SIPA1L3: variants seen among roughly 807,000 people sequenced by gnomAD.
SIPA1L3 encodes signal-induced proliferation-associated 1-like protein 3.
SIPA1L3 carries 59 observed loss-of-function variants against 150.1 expected under a neutral mutation model. The ratio of observed to expected loss-of-function variants is 0.39; its 90% CI spans 0.32 to 0.49. The LOEUF is 0.49. Ranked by LOEUF, SIPA1L3 falls within the 20% of genes least tolerant of loss-of-function variation. The probability of loss-of-function intolerance (pLI) is 0.86; values close to 1 mark genes in which losing one functional copy is unlikely to be tolerated. For missense variants in SIPA1L3, 2,211 were observed against 2,489.5 expected, an observed-to-expected ratio of 0.89 and a Z score of 2.38; for synonymous variants, 1,070 against 1,077.6, an observed-to-expected ratio of 0.99 and a Z score of 0.14.
chr19:38,203,332 C>G (rs573600240), intron 20 of SIPA1L3, among the ~76,000 whole-genome samples: 26 of 152,188 alleles, frequency 1.7e-4, no homozygotes, highest in Non-Finnish European at 1.3e-4. Flanking sequence ...CAAGACTCAG[C>G]AGCAAGGTTG....
At chr19:38,161,678 G>A (rs1393842937) in intron 13 of SIPA1L3, among the ~76,000 whole-genome samples, 2 of 152,066 alleles carry the variant, frequency 1.3e-5, no homozygotes, top group African/African-American at 2.4e-5. Flanking sequence ...AGTGAGCTGA[G>A]ATCATACCAC....
At position 38,182,665 on chromosome 19, in the gene SIPA1L3, G is replaced by T; in HGVS notation, c.4355G>T (p.Arg1452Leu). 6.2e-7 allele frequency: 1 copy of T among 1,614,128 alleles called. No individual in the cohort carries two copies. Among genetic ancestry groups the T allele is most frequent in the Non-Finnish European group, 8.5e-7 (1 of 1,179,996 alleles). Residue 1452 changes from arginine to leucine, a missense_variant, in exon 16 of 22, where the codon CGC (arginine) becomes CTC (leucine). Transcript: ENST00000222345. The stretch of plus-strand genomic sequence containing the variant: ...TCCTTCTTCTCCAAGCAGCCTGTAC[G>T]CAATAAGCACCCAACAGGGTGGAAG... ...PKSFFSKQPV[R>L]NKHPTGWKRT...
chr19:38,119,522 C>G lies in SIPA1L3; in HGVS notation c.2508C>G (p.Thr836=). 1 of 1,614,148 alleles carries G rather than the reference C, an allele frequency of 6.2e-7. No homozygotes were observed. The highest frequency in any genetic ancestry group is 1.1e-5 in the South Asian group (1 of 91,078). The change falls in exon 9 of 22, where the codon ACC becomes ACG. Residue 836 remains threonine, a synonymous_variant. Coordinates refer to ENST00000222345, the MANE Select transcript of SIPA1L3 (RefSeq NM_015073.3). Reference sequence around the variant, plus strand: ...TGGCCGAAAACTGTGTCTCCAACACCCCCATCGACTCCACCGGCAAATTCA... The same window carrying G: ...TGGCCGAAAACTGTGTCTCCAACACGCCCATCGACTCCACCGGCAAATTCA... ...KDLAENCVSN[T]PIDSTGKFNL...
chr19:38,101,495 A>G (rs1600071093), intron 6 of SIPA1L3, among the ~76,000 whole-genome samples: 2 of 151,700 alleles, frequency 1.3e-5, no homozygotes, highest in Admixed American at 6.6e-5. Context: ...TGCAACCTCT[A>G]CCTCCCAGGT....
At chr19:38,017,090 TTTCAC>T (rs1180223273) in intron 1 of SIPA1L3, among the ~76,000 whole-genome samples, 4 of 151,288 alleles carry the variant, frequency 2.6e-5, no homozygotes, top group Non-Finnish European at 5.9e-5. Context: ...AGAGACGGGG[TTTCAC>T]CATGTTGGCC....
At chr19:37,947,765 A>G (rs1190900338) in intron 1 of SIPA1L3, among the ~76,000 whole-genome samples, 1 of 152,194 alleles carries the variant, frequency 6.6e-6, no homozygotes. Context: ...GGCTGGAAAT[A>G]TTGCAGATTT....
At chr19:38,156,184 C>T (rs1003575478) in intron 13 of SIPA1L3, among the ~76,000 whole-genome samples, 2 of 152,144 alleles carry the variant, frequency 1.3e-5, no homozygotes, top group African/African-American at 4.8e-5. Context: ...GTGGTTTGCT[C>T]CTGTCCTCAG....
rs774093306 is a variant in SIPA1L3, at chr19:38,081,593, G to A, written c.28G>A (p.Asp10Asn). The change falls in exon 3 of 22, where the codon GAT becomes AAT. Residue 10 changes from aspartate to asparagine, a missense_variant. Asp to Asn is a conservative substitution (Grantham distance 23). This residue lies in a region of SIPA1L3 where 130 missense variants were observed against 174.5 expected (regional missense o/e 0.74). Transcript: ENST00000222345. MTTYRAIPS[D>N]GVDLAASCGA... ...GACCACCTATCGGGCCATCCCCAGC[G>A]ATGGTGTGGACCTGGCAGCCAGCTG... 1.9e-6 allele frequency: 3 copies of A among 1,595,430 alleles called. No homozygotes were observed. The highest frequency in any genetic ancestry group is 1.1e-5 in the South Asian group (1 of 90,142).
chr19:38,197,215 GC>G (rs1293790824), intron 18 of SIPA1L3, among the ~76,000 whole-genome samples: 2 of 152,072 alleles, frequency 1.3e-5, no homozygotes, highest in African/African-American at 2.4e-5. Context: ...AGCGGGCTGG[GC>G]CCACGGTCAG....
At chr19:38,199,675 C>T (rs1040991811) in intron 19 of SIPA1L3, among the ~76,000 whole-genome samples, 2 of 152,052 alleles carry the variant, frequency 1.3e-5, no homozygotes, top group Admixed American at 6.6e-5. Context: ...GGTGCCTCCC[C>T]GGGAGCCGGA....
chr19:38,163,046 C>T (rs1339947900), intron 14 of SIPA1L3, among the ~76,000 whole-genome samples: 2 of 152,108 alleles, frequency 1.3e-5, no homozygotes, highest in Non-Finnish European at 2.9e-5. Flanking sequence ...CTCTTTGTAT[C>T]CATTCGTTCA....
At chr19:38,078,438 G>GCACGCA (rs112384687) in intron 2 of SIPA1L3, among the ~76,000 whole-genome samples, 3 of 138,898 alleles carry the variant, frequency 2.2e-5, no homozygotes, top group Admixed American at 7.3e-5. Flanking sequence ...GCGCATACAT[G>GCACGCA]CACACACACA....
intron 15 of SIPA1L3, among the ~76,000 whole-genome samples, chr19:38,165,762 G>GT (rs1361785787): frequency 1.3e-5 from 2 of 152,028 alleles, no homozygotes; most frequent in Non-Finnish European, 2.9e-5. Flanking sequence ...GTGCATTGGT[G>GT]TTTTTTTGTT....
At chr19:37,911,205 G>T (rs1599783935) in intron 1 of SIPA1L3, among the ~76,000 whole-genome samples, 1 of 151,654 alleles carries the variant, frequency 6.6e-6, no homozygotes, top group Non-Finnish European at 1.5e-5. Context: ...AGATGCTTCA[G>T]TTATCTTTTT....
intron 12 of SIPA1L3, among the ~76,000 whole-genome samples, chr19:38,148,374 A>G (rs1034513555): frequency 6.7e-6 from 1 of 149,046 alleles, no homozygotes; most frequent in Non-Finnish European, 1.5e-5. Flanking sequence ...AAGTTGGGGG[A>G]AGGAACTGGA....
At chr19:38,152,765 C>G in intron 12 of SIPA1L3, 75 bp from the exon 13 acceptor site, 2 of 1,494,070 alleles carry the variant, frequency 1.3e-6, no homozygotes, top group Non-Finnish European at 1.8e-6. Flanking sequence ...GCGAGCAAGG[C>G]TCAGGCTCAG....
At position 37,971,356 on chromosome 19, in the gene SIPA1L3, C is replaced by T. The variant is rs138163416; in HGVS notation, c.-378-57733C>T. 2.5e-4 allele frequency among the ~76,000 whole-genome samples: 38 copies of T among 152,182 alleles called. No individual in the cohort carries two copies. In the East Asian group the frequency reaches 7.2e-3, roughly 29 times the overall value. On this transcript the variant is annotated intron_variant, in intron 1 of 21. Transcript: ENST00000222345. Reference sequence around the variant, plus strand: ...TTTAATCATCATAACAATCTATTTGCAGAACATGATCACCACCTCAAAAAG... The same window carrying T: ...TTTAATCATCATAACAATCTATTTGTAGAACATGATCACCACCTCAAAAAG...
At chr19:38,196,459 G>T (rs1972944891) in intron 18 of SIPA1L3, among the ~76,000 whole-genome samples, 1 of 149,582 alleles carries the variant, frequency 6.7e-6, no homozygotes. Flanking sequence ...CAAGGGCGGA[G>T]TGTGGAGGTC....
intron 2 of SIPA1L3, among the ~76,000 whole-genome samples, chr19:38,066,117 A>G (rs575605116): frequency 3.3e-5 from 5 of 151,414 alleles, no homozygotes; most frequent in African/African-American, 1.2e-4. Context: ...GGCTCAGGTG[A>G]TCCTCCCGCC....
Sources: gnomAD v4.1 joint callset for allele counts (sites outside exome capture counted in the v4.1 genomes callset) on GRCh38, gnomAD v4.1.1 for gene constraint, gnomAD v4.1.1 regional missense constraint, MANE v1.5 for transcripts, NCBI Gene and HGNC (gene_info 2026-07-23, HGNC 2026-07-21) for gene names.